Variants in CCDC7 observed in about 807,000 individuals in gnomAD.
CCDC7 encodes coiled-coil domain-containing protein 7.
CCDC7 carries 183 observed loss-of-function variants against 196.9 expected under a neutral mutation model. The ratio of observed to expected loss-of-function variants is 0.93; its 90% CI spans 0.82 to 1.05. CCDC7 has a LOEUF of 1.05. CCDC7 is among the 50% of genes least tolerant of loss of function. The pLI is 0.00. For synonymous variants in CCDC7, 525 were observed against 484.6 expected, an observed-to-expected ratio of 1.08 and a Z score of -1.10; for missense variants, 1,540 against 1,482.2, an observed-to-expected ratio of 1.04 and a Z score of -0.64.
chr10:32,462,525 T>G (rs1564634712), intron 3 of CCDC7, among the ~76,000 whole-genome samples, 158 bp from the exon 5 acceptor site: 1 of 152,154 alleles, frequency 6.6e-6, no homozygotes, highest in African/African-American at 2.4e-5. Context: ...TGTCTGTAAA[T>G]AAAAAATTTT....
rs749173960 is a variant in CCDC7, at chr10:32,711,609, T to G, written c.2459-11T>G. 24 of 1,531,730 alleles carry G rather than the reference T, an allele frequency of 1.6e-5. No homozygotes were observed. The Admixed American group carries it at 2.8e-4, about 18-fold the overall frequency. The allele number at this position is 1,531,730 out of a possible 1,614,324, so 94.9% of individuals were successfully genotyped here. A position where few individuals can be genotyped will look rare whatever the true frequency, so the allele number is the denominator to read the frequency against. On this transcript the variant is annotated splice_polypyrimidine_tract_variant and intron_variant, in intron 24 of 41. Transcript: ENST00000639629. ...TTTCTAGTAAGGGACTAAATTTCTC[T>G]CTTAACATAGCTCATGATGAAGAAT...
chr10:32,475,829 T>C (rs1386954119), intron 8 of CCDC7, among the ~76,000 whole-genome samples: 1 of 152,234 alleles, frequency 6.6e-6, no homozygotes, highest in Non-Finnish European at 1.5e-5. Flanking sequence ...GCTACCTTTG[T>C]ATTGCACTCT....
intron 1 of CCDC7, 39 bp downstream of exon 2, chr10:32,451,960 T>C (rs1205453655): frequency 6.3e-7 from 1 of 1,575,626 alleles, no homozygotes; most frequent in South Asian, 1.2e-5. Context: ...AGGGCCCCCA[T>C]GATCACCCCA....
chr10:32,728,058 A>G (rs1002955832), intron 26 of CCDC7, among the ~76,000 whole-genome samples: 6 of 152,118 alleles, frequency 3.9e-5, no homozygotes, highest in African/African-American at 1.4e-4. Context: ...AAGCTGAGGA[A>G]TGAGAGGGTC....
At chr10:32,488,580 G>A (rs539660394) in intron 8 of CCDC7, among the ~76,000 whole-genome samples, 10 of 152,266 alleles carry the variant, frequency 6.6e-5, no homozygotes, top group South Asian at 2.1e-4. Flanking sequence ...CGTCGCTCAC[G>A]CTGGGAGCTG....
intron 41 of CCDC7, among the ~76,000 whole-genome samples, chr10:32,855,924 T>C (rs1372488908): frequency 6.6e-6 from 1 of 152,144 alleles, no homozygotes; most frequent in Non-Finnish European, 1.5e-5. Flanking sequence ...AAATAAACCC[T>C]CACATATATG....
At chr10:32,558,035 T>C (rs73253449) in intron 13 of CCDC7, among the ~76,000 whole-genome samples, 9,215 of 152,286 alleles carry the variant, frequency 0.061, 899 homozygotes, top group African/African-American at 0.21. Context: ...TTATTTATTA[T>C]GAGCATATTT....
chr10:32,745,733 A>T (rs1400103367), intron 28 of CCDC7, among the ~76,000 whole-genome samples: 1 of 152,132 alleles, frequency 6.6e-6, no homozygotes, highest in Non-Finnish European at 1.5e-5. Flanking sequence ...TAAACTTTAG[A>T]ATTAGTTTGT....
At chr10:32,699,666 A>G (rs1020744186) in intron 24 of CCDC7, among the ~76,000 whole-genome samples, 1 of 149,426 alleles carries the variant, frequency 6.7e-6, no homozygotes, top group Non-Finnish European at 1.5e-5. Context: ...TTACAGTCCC[A>G]CCAACAGTGT....
At chr10:32,696,151 G>C (rs1445671346) in intron 24 of CCDC7, among the ~76,000 whole-genome samples, 1 of 152,084 alleles carries the variant, frequency 6.6e-6, no homozygotes, top group Non-Finnish European at 1.5e-5. Flanking sequence ...AATACAGTCA[G>C]GGGTAGACAT....
At chr10:32,453,236 C>G in intron 1 of CCDC7, 108 bp from the exon 3 acceptor site, 7 of 817,854 alleles carry the variant, frequency 8.6e-6, no homozygotes, top group Non-Finnish European at 1.1e-5. Context: ...AGAAATAAGT[C>G]TTACTGGTAA....
chr10:32,854,292 G>C (rs1422754721), intron 40 of CCDC7, 108 bp from the exon 42 acceptor site: 2 of 665,672 alleles, frequency 3.0e-6, no homozygotes, highest in African/African-American at 1.9e-5. Flanking sequence ...CTGAAAAAAA[G>C]TTGTAAGGAA....
intron 22 of CCDC7, among the ~76,000 whole-genome samples, chr10:32,688,797 TA>T (rs1289218541): frequency 6.6e-6 from 1 of 152,154 alleles, no homozygotes; most frequent in Non-Finnish European, 1.5e-5. Flanking sequence ...ATTGAAAATA[TA>T]AAAAACCTAA....
chr10:32,561,731 A>G (rs1226991417), intron 13 of CCDC7, among the ~76,000 whole-genome samples: 2 of 152,224 alleles, frequency 1.3e-5, no homozygotes, highest in African/African-American at 4.8e-5. Context: ...TAACATCACA[A>G]TTAAAAGAAC....
chr10:32,509,636 A>G (rs1315419881), intron 9 of CCDC7, among the ~76,000 whole-genome samples: 2 of 152,144 alleles, frequency 1.3e-5, no homozygotes, highest in Non-Finnish European at 2.9e-5. Flanking sequence ...ATGGGAGAAA[A>G]TATTTTCAAA....
chr10:32,865,822 TCAAG>T (rs2094182227), intron 41 of CCDC7, among the ~76,000 whole-genome samples: 1 of 151,824 alleles, frequency 6.6e-6, no homozygotes, highest in South Asian at 2.1e-4. Context: ...CATTTTAAGT[TCAAG>T]CAAACAAGCA....
intron 18 of CCDC7, among the ~76,000 whole-genome samples, chr10:32,602,141 T>C (rs1338244392): frequency 1.3e-5 from 2 of 152,048 alleles, no homozygotes; most frequent in African/African-American, 4.8e-5. Context: ...ATTCCTGAAG[T>C]CAGCGAGACC....
chr10:32,816,981 A>T (rs1593067308), intron 31 of CCDC7, among the ~76,000 whole-genome samples: 1 of 152,254 alleles, frequency 6.6e-6, no homozygotes, highest in African/African-American at 2.4e-5. Context: ...ACAAAGCTGG[A>T]TGGAGAATGA....
intron 24 of CCDC7, among the ~76,000 whole-genome samples, chr10:32,705,773 C>A (rs1040226657): frequency 3.9e-4 from 60 of 152,128 alleles, no homozygotes; most frequent in African/African-American, 1.4e-3. Context: ...AGCTAACTAT[C>A]CTAAATATGT....
Sources: gnomAD v4.1 joint callset for allele counts (sites outside exome capture counted in the v4.1 genomes callset) on GRCh38, gnomAD v4.1.1 for gene constraint, MANE v1.5 for transcripts, NCBI Gene and HGNC (gene_info 2026-07-23, HGNC 2026-07-21) for gene names.